Variants in SEC14L5 observed in about 807,000 individuals in gnomAD.
SEC14L5 encodes SEC14-like protein 5.
Under a neutral mutation model 84.6 loss-of-function variants are expected in SEC14L5, and 96 were observed. That is an observed-to-expected ratio of 1.13 (90% confidence interval 0.96 to 1.34). The LOEUF is 1.34. SEC14L5 is among the 40% of genes most tolerant of loss of function. SEC14L5 has a pLI of 0.00. For missense variants in SEC14L5, 1,224 were observed against 942.5 expected (o/e 1.30, Z -3.91); for synonymous variants, 546 against 383.4 (o/e 1.42, Z -4.95).
chr16:4,987,620 C>T lies in SEC14L5; in HGVS notation c.127C>T (p.Arg43Cys). 1.3e-6 allele frequency: 2 copies of T among 1,558,020 alleles called. No homozygotes were observed. The highest frequency in any genetic ancestry group is 1.7e-6 in the Non-Finnish European group (2 of 1,152,072). ...AGTCTTCCTGGGCAGCGAGGTCTTGCGCGAGTCCCGCAGCCCGGACGGGGC... is the reference window on the plus strand; with the variant it reads ...AGTCTTCCTGGGCAGCGAGGTCTTGTGCGAGTCCCGCAGCCCGGACGGGGC... ...IPVFLGSEVL[R>C]ESRSPDGAVH... The change falls in exon 3 of 16, where the codon CGC becomes TGC. Residue 43 changes from arginine (R) to cysteine (C), a missense_variant. Coordinates refer to ENST00000251170, the MANE Select transcript of SEC14L5 (RefSeq NM_014692.2).
chr16:4,988,058 G>C (rs912133733), intron 3 of SEC14L5, 91 bp from the exon 4 acceptor site: 4 of 1,401,272 alleles, frequency 2.9e-6, no homozygotes, highest in African/African-American at 1.4e-5. Context: ...AGGGCAGGGG[G>C]TGACTGGGGC....
At chr16:4,972,310 A>G (rs1283854826) in intron 2 of SEC14L5, among the ~76,000 whole-genome samples, 4 of 152,094 alleles carry the variant, frequency 2.6e-5, no homozygotes, top group African/African-American at 4.8e-5. Flanking sequence ...GCTTCACTCT[A>G]TAGTTTTTTA....
chr16:5,006,207 G>C (rs1437033582), intron 12 of SEC14L5, among the ~76,000 whole-genome samples, 159 bp downstream of exon 12: 4 of 152,208 alleles, frequency 2.6e-5, no homozygotes, highest in African/African-American at 9.7e-5. Context: ...AGCAGCCACA[G>C]GGCTTGCTTT....
Position 5,015,652 on chromosome 16 carries a change from TC to T in SEC14L5, c.*688del, listed in dbSNP as rs1346644484. On this transcript the variant is annotated 3_prime_UTR_variant, in exon 16 of 16. Transcript: ENST00000251170. ...GTGGGTGCCTCGAGGAGTACTGGGG[TC>T]CCCCCTAAGAAGAAGGAGGAAGGAT... 1.3e-5 allele frequency: 2 copies of T among 152,202 alleles called. No homozygotes were observed. The highest frequency in any genetic ancestry group is 2.4e-5 in the African/African-American group (1 of 41,326). 9.4% of individuals were successfully genotyped at this position (152,202 alleles called of 1,614,324 possible).
intron 2 of SEC14L5, among the ~76,000 whole-genome samples, chr16:4,982,233 C>G (rs1244191039): frequency 6.6e-6 from 1 of 152,158 alleles, no homozygotes; most frequent in Admixed American, 6.5e-5. Flanking sequence ...CGCCTCTCTT[C>G]CTGGGAGCCA....
Position 5,007,392 on chromosome 16 carries a change from A to C in SEC14L5, c.1478A>C (p.Tyr493Ser), listed in dbSNP as rs1446178851. ...GGAGGGCTGGTCCCCAAGTCCCTCT[A>C]CATGACAGAAGAGGAGCAGGAGCAC... ...PEGGLVPKSL[Y>S]MTEEEQEHTD... The change falls in exon 13 of 16, where the codon TAC (tyrosine) becomes TCC (serine). Residue 493 changes from tyrosine to serine, a missense_variant. Physicochemically the swap from Tyr to Ser is moderately radical, Grantham distance 144 (BLOSUM62 -2). Coordinates refer to ENST00000251170, the MANE Select transcript of SEC14L5 (RefSeq NM_014692.2). 1 of 1,613,412 alleles carries C rather than the reference A, an allele frequency of 6.2e-7. No homozygotes were observed. The highest frequency in any genetic ancestry group is 1.3e-5 in the African/African-American group (1 of 74,922).
In SEC14L5 at chr16:5,007,395, T is replaced by A. The variant is rs747055387; in HGVS notation, c.1481T>A (p.Met494Lys). 2.3e-5 allele frequency: 37 copies of A among 1,613,226 alleles called. No homozygotes were observed. Among genetic ancestry groups the A allele is most frequent in the Non-Finnish European group, 3.1e-5 (37 of 1,179,404 alleles). The change falls in exon 13 of 16, where the codon ATG (methionine) becomes AAG (lysine). Residue 494 changes from methionine to lysine, a missense_variant. Physicochemically the swap from Met to Lys is moderately conservative, Grantham distance 95 (BLOSUM62 -1). Coordinates refer to ENST00000251170, the MANE Select transcript of SEC14L5 (RefSeq NM_014692.2). Reference protein sequence around the residue: ...EGGLVPKSLYMTEEEQEHTDQ... With the variant: ...EGGLVPKSLYKTEEEQEHTDQ... ...GGGCTGGTCCCCAAGTCCCTCTACA[T>A]GACAGAAGAGGAGCAGGAGCACACG... is the stretch of plus-strand genomic sequence containing the variant.
At chr16:4,998,210 T>C (rs908218397) in intron 8 of SEC14L5, among the ~76,000 whole-genome samples, 1 of 151,442 alleles carries the variant, frequency 6.6e-6, no homozygotes, top group Non-Finnish European at 1.5e-5. Flanking sequence ...TTCACCATGT[T>C]GGCCAGGCTG....
intron 14 of SEC14L5, among the ~76,000 whole-genome samples, chr16:5,009,436 A>G (rs1955774777): frequency 1.3e-5 from 2 of 151,844 alleles, no homozygotes; most frequent in African/African-American, 4.8e-5. Context: ...CGATCCTCCC[A>G]TCTCAGCCTT....
intron 8 of SEC14L5, among the ~76,000 whole-genome samples, chr16:4,998,737 CAAAAAAAAAA>C (rs60494025): frequency 1.1e-5 from 1 of 94,036 alleles, no homozygotes; most frequent in African/African-American, 4.8e-5. Flanking sequence ...GACTCCGTCT[CAAAAAAAAAA>C]AAAAAAAAAA....
intron 15 of SEC14L5, among the ~76,000 whole-genome samples, chr16:5,014,176 A>C (rs1043364073): frequency 6.6e-6 from 1 of 152,260 alleles, no homozygotes; most frequent in Non-Finnish European, 1.5e-5. Flanking sequence ...CGCATGGGCC[A>C]CATTTCAAGT....
intron 14 of SEC14L5, among the ~76,000 whole-genome samples, chr16:5,009,121 A>G (rs755343297): frequency 2.6e-5 from 4 of 152,118 alleles, no homozygotes; most frequent in African/African-American, 9.7e-5. Context: ...GGTTCATTCT[A>G]TGCCTCTGTC....
intron 6 of SEC14L5, among the ~76,000 whole-genome samples, chr16:4,994,369 T>A (rs1955584604): frequency 6.6e-6 from 1 of 152,078 alleles, no homozygotes; most frequent in Non-Finnish European, 1.5e-5. Context: ...CTTTTTCTTT[T>A]TTTTTTATCT....
rs770420574 is a variant in SEC14L5, at chr16:4,988,210, C to T, written c.275C>T (p.Thr92Met). 1.2e-6 allele frequency: 2 copies of T among 1,613,642 alleles called. No homozygotes were observed. The highest frequency in any genetic ancestry group is 1.7e-6 in the Non-Finnish European group (2 of 1,179,648). Residue 92 changes from threonine (T) to methionine (M), a missense_variant, in exon 4 of 16, where the codon ACG (threonine) becomes ATG (methionine). Physicochemically the swap from Thr to Met is moderately conservative, Grantham distance 81. Transcript: ENST00000251170. ...QTNILNWKER[T>M]LLIEAHNETF... ...AACATCTTGAACTGGAAGGAGAGGA[C>T]GCTCCTCATCGAAGCGCACAATGAG...
chr16:5,006,154 T>A, intron 12 of SEC14L5, 106 bp downstream of exon 12: 1 of 1,129,322 alleles, frequency 8.9e-7, no homozygotes, highest in Non-Finnish European at 1.3e-6. Flanking sequence ...GGGGGCTGGG[T>A]GCGGCATGTG....
intron 14 of SEC14L5, among the ~76,000 whole-genome samples, chr16:5,010,553 C>G (rs1955788133): frequency 1.3e-5 from 2 of 152,162 alleles, no homozygotes; most frequent in African/African-American, 4.8e-5. Context: ...TGCTGTCGAT[C>G]TCACCGAAGT....
intron 2 of SEC14L5, among the ~76,000 whole-genome samples, chr16:4,970,208 A>C (rs139645919): frequency 6.6e-6 from 1 of 152,120 alleles, no homozygotes; most frequent in Admixed American, 6.6e-5. Context: ...AGAACCATTC[A>C]TCATGGGGAA....
At chr16:5,010,861 C>A in intron 14 of SEC14L5, 2 of 502,336 alleles carry the variant, frequency 4.0e-6, no homozygotes, top group Non-Finnish European at 7.1e-6. Context: ...CACCCCCAGG[C>A]GTCAGCTCCT....
chr16:4,991,841 A>G lies in SEC14L5; in HGVS notation c.478A>G (p.Lys160Glu). Residue 160 changes from lysine to glutamate, a missense_variant, in exon 6 of 16, where the codon AAG (lysine) becomes GAG (glutamate). Coordinates refer to ENST00000251170, the MANE Select transcript of SEC14L5 (RefSeq NM_014692.2). Reference sequence around the variant, plus strand: ...CTTGGGTCTCTCTGGCTTCCAGGGGAAGGAGGTGATTGAGCATTACCTGAA... The same window carrying G: ...CTTGGGTCTCTCTGGCTTCCAGGGGGAGGAGGTGATTGAGCATTACCTGAA... Reference protein sequence around the residue: ...KQYTANVKRGKEVIEHYLNEL... With the variant: ...KQYTANVKRGEEVIEHYLNEL... 6.2e-7 allele frequency: 1 copy of G among 1,600,326 alleles called. No homozygotes were observed. Among genetic ancestry groups the G allele is most frequent in the East Asian group, 2.3e-5 (1 of 44,420 alleles).
Sources: allele counts gnomAD v4.1 joint callset (sites outside exome capture counted in the v4.1 genomes callset), GRCh38; gene constraint gnomAD v4.1.1; transcripts MANE v1.5; gene names NCBI Gene and HGNC (gene_info 2026-07-23, HGNC 2026-07-21).